The following DMXL1 variants were observed in gnomAD, a reference collection of about 807,000 sequenced individuals.
DMXL1 encodes the protein Dmx like 1.
A neutral mutation model predicts 319.2 loss-of-function variants in DMXL1; 99 were observed. The ratio of observed to expected loss-of-function variants is 0.31; its 90% CI spans 0.26 to 0.37. The LOEUF is 0.37. DMXL1 is among the 10% of genes least tolerant of loss of function. The pLI, the probability that DMXL1 is intolerant of heterozygous loss-of-function variation, is 1.00. For missense variants in DMXL1, 3,745 were observed against 3,595.6 expected (o/e 1.04, Z -1.06); for synonymous variants, 1,385 against 1,235.2 (o/e 1.12, Z -2.54).
At chr5:119,079,063 C>A (rs1751616716) in intron 1 of DMXL1, among the ~76,000 whole-genome samples, 1 of 152,082 alleles carries the variant, frequency 6.6e-6, no homozygotes, top group African/African-American at 2.4e-5. Context: ...TAAAGAAATT[C>A]CTGTGGAAAA....
intron 34 of DMXL1, among the ~76,000 whole-genome samples, chr5:119,214,883 C>T (rs1243276980): frequency 1.3e-5 from 2 of 152,142 alleles, no homozygotes; most frequent in Non-Finnish European, 2.9e-5. Context: ...GTATGATGCC[C>T]TATCCAACCA....
At chr5:119,175,201 G>GA (rs1395580662) in intron 25 of DMXL1, 60 bp from the exon 26 acceptor site, 92 of 1,342,768 alleles carry the variant, frequency 6.9e-5, no homozygotes, top group Middle Eastern at 2.1e-4. Context: ...ATTAGGTCTT[G>GA]AAAAAAAATC....
At position 119,203,819 on chromosome 5, in the gene DMXL1, ATTTAT is replaced by A. The variant is rs1350122320; in HGVS notation, c.7863+386_7863+390del. Reference sequence around the variant, plus strand: ...TATACTGAAAATTTTTTATTTATTTATTTATTTATTTTTTCTTTGGAGATGGAGTC... The same window carrying A: ...TATACTGAAAATTTTTTATTTATTTATTATTTTTTCTTTGGAGATGGAGTC... On this transcript the variant is annotated intron_variant, in intron 33 of 43. Transcript: ENST00000539542. 3.9e-5 allele frequency among the ~76,000 whole-genome samples: 6 copies of A among 151,940 alleles called. No individual in the cohort carries two copies. In the East Asian group the frequency reaches 9.7e-4, roughly 24 times the overall value.
At chr5:119,076,187 A>G (rs1203515700) in intron 1 of DMXL1, among the ~76,000 whole-genome samples, 1 of 152,134 alleles carries the variant, frequency 6.6e-6, no homozygotes. Context: ...TCCCTTTAGT[A>G]TTAGAAAACT....
chr5:119,246,480 G>A (rs750326124), intron 43 of DMXL1, among the ~76,000 whole-genome samples: 2 of 152,084 alleles, frequency 1.3e-5, no homozygotes, highest in Non-Finnish European at 2.9e-5. Context: ...AGTATTTTGT[G>A]TTAAAGCAAT....
rs186228956 is a variant in DMXL1, at chr5:119,230,743, G to A, written c.8339-2597G>A. ...TAAAAATACAAAAAATTAGCTGGGC[G>A]TGGTGGCACACGCCTGTAGTCCCAT... On this transcript the variant is annotated intron_variant, in intron 38 of 43. Transcript: ENST00000539542. Among the ~76,000 whole-genome samples the A allele has an allele frequency of 5.5e-4, 84 of 152,198 alleles. 1 individual carries two copies. Among genetic ancestry groups the A allele is most frequent in the Admixed American group, 2.0e-3 (31 of 15,286 alleles).
chr5:119,171,326 GT>G (rs1014625424), intron 24 of DMXL1, 46 bp downstream of exon 24: 7 of 1,511,552 alleles, frequency 4.6e-6, no homozygotes, highest in African/African-American at 1.4e-5. Context: ...GTCTAAAACT[GT>G]TTTTGGTGTT....
At chr5:119,097,680 G>T (rs1047968495) in intron 1 of DMXL1, among the ~76,000 whole-genome samples, 6 of 152,192 alleles carry the variant, frequency 3.9e-5, no homozygotes, top group Admixed American at 6.5e-5. Context: ...TTGCGCCACT[G>T]CACTCCAGCC....
Position 119,197,893 on chromosome 5 carries a change from T to A in DMXL1, c.7682T>A (p.Leu2561Ter). ...GCAAGTCATACCGCCGAAGAGAGTT[T>A]GTCTGCAGGTCCTGCAATTCTTCGC... Reference protein sequence around the residue: ...YIASHTAEESLSAGPAILRHK... With the variant: ...YIASHTAEES Residue 2561 changes from leucine (L) to a stop codon, truncating the protein, a stop_gained, in exon 32 of 44, where the codon TTG (leucine) becomes TAG (stop). Coordinates refer to ENST00000539542, the MANE Select transcript of DMXL1 (RefSeq NM_001290321.3). LOFTEE classifies it high-confidence loss of function. 1 of 1,614,244 alleles carries A rather than the reference T, an allele frequency of 6.2e-7. No homozygotes were observed. The highest frequency in any genetic ancestry group is 8.5e-7 in the Non-Finnish European group (1 of 1,180,034).
At chr5:119,114,850 A>G (rs1020511608) in intron 6 of DMXL1, among the ~76,000 whole-genome samples, 1 of 151,808 alleles carries the variant, frequency 6.6e-6, no homozygotes, top group Non-Finnish European at 1.5e-5. Flanking sequence ...TGTATTTTTT[A>G]ATAGAGACGG....
intron 32 of DMXL1, among the ~76,000 whole-genome samples, chr5:119,202,980 A>G (rs1373566457): frequency 6.7e-6 from 1 of 149,510 alleles, no homozygotes; most frequent in African/African-American, 2.5e-5. Flanking sequence ...ACATAAATGA[A>G]TTTTTAATTT....
intron 28 of DMXL1, among the ~76,000 whole-genome samples, chr5:119,186,351 A>C (rs889415317): frequency 6.6e-6 from 1 of 151,752 alleles, no homozygotes; most frequent in African/African-American, 2.4e-5. Context: ...GCTCACTGCA[A>C]CCTCCACCTC....
At chr5:119,225,528 A>G (rs183666991) in intron 38 of DMXL1, among the ~76,000 whole-genome samples, 30 of 152,220 alleles carry the variant, frequency 2.0e-4, no homozygotes, top group African/African-American at 7.2e-4. Context: ...ATGTTAATTA[A>G]TGGGTATTCA....
intron 25 of DMXL1, among the ~76,000 whole-genome samples, chr5:119,173,798 A>ATATATATATATATATATATATATATATAT (rs1307519155): frequency 1.1e-4 from 14 of 126,692 alleles, no homozygotes; most frequent in East Asian, 2.8e-4. Context: ...ATATATATAT[A>ATATATATATATATATATATATATATATAT]ATGAGAGAGA....
At position 119,150,032 on chromosome 5, in the gene DMXL1, C is replaced by G. The variant is rs372456416; in HGVS notation, c.4205C>G (p.Ser1402Cys). Reference protein sequence around the residue: ...AENTDYTEIDSVPPLPLYALL... With the variant: ...AENTDYTEIDCVPPLPLYALL... ...AATACAGATTACACAGAAATAGATT[C>G]TGTTCCTCCACTTCCTTTATATGCC... Residue 1402 changes from serine to cysteine, a missense_variant, in exon 18 of 44, where the codon TCT becomes TGT. This residue lies in a region of DMXL1 where 2,096 missense variants were observed against 1,985.4 expected (regional missense o/e 1.06). Coordinates refer to ENST00000539542, the MANE Select transcript of DMXL1 (RefSeq NM_001290321.3). The G allele has an allele frequency of 1.7e-5, 28 of 1,613,820 alleles. No individual in the cohort carries two copies. The highest frequency in any genetic ancestry group is 1.6e-4 in the Middle Eastern group (1 of 6,082).
At chr5:119,076,524 A>G (rs1750914732) in intron 1 of DMXL1, among the ~76,000 whole-genome samples, 1 of 152,212 alleles carries the variant, frequency 6.6e-6, no homozygotes, top group African/African-American at 2.4e-5. Context: ...AAATATTGCA[A>G]GTACTAAAGT....
intron 1 of DMXL1, among the ~76,000 whole-genome samples, chr5:119,093,336 A>G (rs1254696102): frequency 2.0e-5 from 3 of 152,234 alleles, no homozygotes; most frequent in Non-Finnish European, 2.9e-5. Context: ...GGATTTCACC[A>G]TGTTGGCCAG....
At chr5:119,245,564 G>A (rs1246568673) in intron 43 of DMXL1, among the ~76,000 whole-genome samples, 3 of 143,060 alleles carry the variant, frequency 2.1e-5, no homozygotes, top group East Asian at 2.0e-4. Context: ...TTTTTGAGAC[G>A]GAGTCTTACT....
chr5:119,236,010 A>G (rs899266805), intron 39 of DMXL1, among the ~76,000 whole-genome samples: 6 of 152,230 alleles, frequency 3.9e-5, no homozygotes, highest in African/African-American at 1.4e-4. Flanking sequence ...TTATTAACAA[A>G]TATAAAAACA....
Sources: allele counts gnomAD v4.1 joint callset (sites outside exome capture counted in the v4.1 genomes callset), GRCh38; gene constraint gnomAD v4.1.1; regional missense constraint gnomAD v4.1.1; transcripts MANE v1.5; gene names NCBI Gene and HGNC (gene_info 2026-07-23, HGNC 2026-07-21).